Variants in FOLH1 observed in about 807,000 individuals in gnomAD.
FOLH1 encodes glutamate carboxypeptidase 2.
A neutral mutation model predicts 93.9 loss-of-function variants in FOLH1; 54 were observed. The observed-to-expected ratio is 0.57, with a 90% CI of 0.46 to 0.72. The LOEUF (loss-of-function observed/expected upper bound fraction) is 0.72, where lower values mean the gene tolerates loss of function less well. Among genes scored for constraint, FOLH1 ranks in the 30% least tolerant of loss-of-function variants. FOLH1 has a pLI of 0.00. For synonymous variants in FOLH1, 249 were observed against 303.6 expected (o/e 0.82, Z 1.87); for missense variants, 571 against 892.5 (o/e 0.64, Z 4.59).
intron 6 of FOLH1, among the ~76,000 whole-genome samples, chr11:49,183,709 C>T (rs7106778): frequency 6.6e-6 from 1 of 151,956 alleles, no homozygotes; most frequent in Non-Finnish European, 1.5e-5. Flanking sequence ...CTAATACATA[C>T]AATATGATAG....
At position 49,156,808 on chromosome 11, in the gene FOLH1, C is replaced by T. The variant is rs1436187434; in HGVS notation, c.1533-1G>A. On this transcript the variant is annotated splice_acceptor_variant, in intron 14 of 18. Coordinates refer to ENST00000256999, the MANE Select transcript of FOLH1 (RefSeq NM_004476.3). LOFTEE classifies it high-confidence loss of function. Reference sequence around the variant, plus strand: ...ATTTCCAGATCCCAATTTGCTTATCCTTTTAGAGATAAAACAACAGAATTA... The same window carrying T: ...ATTTCCAGATCCCAATTTGCTTATCTTTTTAGAGATAAAACAACAGAATTA... The T allele has an allele frequency of 6.2e-7, 1 of 1,610,884 alleles. No individual in the cohort carries two copies. Among genetic ancestry groups the T allele is most frequent in the Non-Finnish European group, 8.5e-7 (1 of 1,178,346 alleles).
intron 7 of FOLH1, among the ~76,000 whole-genome samples, chr11:49,182,180 T>C (rs1390846321): frequency 6.6e-6 from 1 of 151,482 alleles, no homozygotes. Context: ...AATACAAAAA[T>C]CAGCCGGGCA....
chr11:49,183,698 A>G (rs1181794990), intron 6 of FOLH1, among the ~76,000 whole-genome samples: 1 of 152,196 alleles, frequency 6.6e-6, no homozygotes, highest in Non-Finnish European at 1.5e-5. Flanking sequence ...AAAGAAAAAA[A>G]CTAATACATA....
chr11:49,191,135 C>T (rs138602111), intron 4 of FOLH1, among the ~76,000 whole-genome samples: 5,132 of 152,196 alleles, frequency 0.034, 125 homozygotes, highest in Non-Finnish European at 0.051. Context: ...CCTCAGCCTC[C>T]GGAGTAGCTG....
intron 7 of FOLH1, 67 bp downstream of exon 7, chr11:49,183,082 C>T: frequency 2.2e-5 from 30 of 1,386,028 alleles, no homozygotes; most frequent in Non-Finnish European, 3.0e-5. Flanking sequence ...AGATAAAAGC[C>T]TAACATTTGA....
At chr11:49,194,558 C>T (rs367864116) in intron 3 of FOLH1, among the ~76,000 whole-genome samples, 1 of 151,586 alleles carries the variant, frequency 6.6e-6, no homozygotes, top group South Asian at 2.1e-4. Flanking sequence ...TGAATTATGA[C>T]ACCAAAGCTT....
chr11:49,161,350 T>A (rs1857676285), intron 13 of FOLH1, among the ~76,000 whole-genome samples: 1 of 152,214 alleles, frequency 6.6e-6, no homozygotes, highest in Non-Finnish European at 1.5e-5. Context: ...AAGCTCTTCT[T>A]GTTGAATTGA....
chr11:49,177,912 G>A (rs1382732484), intron 7 of FOLH1, among the ~76,000 whole-genome samples: 9 of 150,110 alleles, frequency 6.0e-5, no homozygotes, highest in Admixed American at 1.3e-4. Context: ...GCGGTGAAGC[G>A]AGATCACGTC....
intron 1 of FOLH1, chr11:49,207,792 T>A: frequency 4.7e-6 from 2 of 426,740 alleles, no homozygotes; most frequent in Non-Finnish European, 9.2e-6. Context: ...CTTAGAAAGT[T>A]GGATCAAGTC....
chr11:49,175,370 C>A (rs932106350), intron 8 of FOLH1, among the ~76,000 whole-genome samples: 2 of 152,142 alleles, frequency 1.3e-5, no homozygotes, highest in African/African-American at 4.8e-5. Flanking sequence ...CAGCTTGTGA[C>A]AAAGCCTGTG....
At chr11:49,201,223 A>G (rs1863216849) in intron 2 of FOLH1, among the ~76,000 whole-genome samples, 1 of 149,668 alleles carries the variant, frequency 6.7e-6, no homozygotes, top group Non-Finnish European at 1.5e-5. Context: ...TAAGCCCTTA[A>G]ATACATGACA....
chr11:49,153,637 G>A (rs1307835100), intron 17 of FOLH1, among the ~76,000 whole-genome samples: 2 of 152,022 alleles, frequency 1.3e-5, no homozygotes, highest in East Asian at 3.9e-4. Flanking sequence ...TGGAAAGACA[G>A]AAAACAGCAG....
Position 49,171,247 on chromosome 11 carries a change from G to A in FOLH1, c.1256C>T (p.Ala419Val), listed in dbSNP as rs1208574122. The change falls in exon 11 of 19, where the codon GCA becomes GTA. Residue 419 changes from alanine (A) to valine (V), a missense_variant. Coordinates refer to ENST00000256999, the MANE Select transcript of FOLH1 (RefSeq NM_004476.3). ...ACCAAATTCTTCTGCATCCCAGCTT[G>A]CAAACAAAATTGTTCTTCTAGGTCT... The part of the protein sequence containing the change: ...GWRPRRTILF[A>V]SWDAEEFGLL... 1.9e-6 allele frequency: 3 copies of A among 1,586,736 alleles called. No homozygotes were observed. Among genetic ancestry groups the A allele is most frequent in the Non-Finnish European group, 2.6e-6 (3 of 1,169,488 alleles).
rs1386540770 is a variant in FOLH1 at position 49,146,689 on chromosome 11, T to C, written c.*67A>G. ...ATACCAATTTTAAAATTTATCAATA[T>C]ACCCATTACGATTCTTTCTGAGTGA... is the stretch of plus-strand genomic sequence containing the variant. On this transcript the variant is annotated 3_prime_UTR_variant, in exon 19 of 19. Coordinates refer to ENST00000256999, the MANE Select transcript of FOLH1 (RefSeq NM_004476.3). 76 of 1,447,060 alleles carry C rather than the reference T, an allele frequency of 5.3e-5. No individual in the cohort carries two copies. The highest frequency in any genetic ancestry group is 3.6e-4 in the Admixed American group (15 of 41,602). The allele number at this position is 1,447,060 out of a possible 1,614,324, so 89.6% of individuals were successfully genotyped here. A position where few individuals can be genotyped will look rare whatever the true frequency, so the allele number is the denominator to read the frequency against.
intron 9 of FOLH1, 149 bp downstream of exon 9, chr11:49,174,743 T>C (rs893789129): frequency 7.1e-6 from 5 of 702,044 alleles, no homozygotes; most frequent in Admixed American, 5.9e-5. Flanking sequence ...TTCATACTTA[T>C]TTCCTTTGTT....
At chr11:49,181,108 T>A (rs1363584768) in intron 7 of FOLH1, among the ~76,000 whole-genome samples, 3 of 31,246 alleles carry the variant, frequency 9.6e-5, no homozygotes, top group Non-Finnish European at 2.8e-4. Context: ...ATGTTTTAAA[T>A]TTTTTTTTTT....
rs2135137634 is a variant in FOLH1, at chr11:49,178,493, G to A, written c.921-2536C>T. The stretch of plus-strand genomic sequence containing the variant: ...CACGATTGTAGTGTCCCCACAAGGA[G>A]GTAGACAAATAACTAGAAGAGAACA... On this transcript the variant is annotated intron_variant, in intron 7 of 18. Coordinates refer to ENST00000256999, the MANE Select transcript of FOLH1 (RefSeq NM_004476.3). Among the ~76,000 whole-genome samples the A allele has an allele frequency of 3.3e-5, 5 of 152,078 alleles. No homozygotes were observed. In the South Asian group the frequency reaches 1.0e-3, roughly 32 times the overall value.
chr11:49,197,396 C>T (rs189742712), intron 3 of FOLH1, among the ~76,000 whole-genome samples: 1 of 152,254 alleles, frequency 6.6e-6, no homozygotes, highest in Admixed American at 6.5e-5. Flanking sequence ...TTCCAAAATG[C>T]ACTGGTAGCC....
chr11:49,201,284 T>A lies in FOLH1; in HGVS notation c.225-843A>T, dbSNP rs562380096. Among the ~76,000 whole-genome samples the A allele has an allele frequency of 5.6e-3, 812 of 145,432 alleles. 12 individuals carry two copies. Among genetic ancestry groups the A allele is most frequent in the African/African-American group, 0.02 (775 of 38,816 alleles). ...TATATATATATATATATATAGTTCA[T>A]AAACTTTTGGAACTTCATAAATTTC... is the stretch of plus-strand genomic sequence containing the variant. On this transcript the variant is annotated intron_variant, in intron 2 of 18. Transcript: ENST00000256999.
Sources: allele counts gnomAD v4.1 joint callset (sites outside exome capture counted in the v4.1 genomes callset), GRCh38; gene constraint gnomAD v4.1.1; transcripts MANE v1.5; gene names NCBI Gene and HGNC (gene_info 2026-07-23, HGNC 2026-07-21).